Variants in HELZ observed in about 807,000 individuals in gnomAD.
HELZ encodes the protein ATP-dependent RNA helicase with zinc finger domain.
Under a neutral mutation model 218.2 loss-of-function variants are expected in HELZ, and 23 were observed. That is an observed-to-expected ratio of 0.11 (90% CI 0.08 to 0.15). The LOEUF (loss-of-function observed/expected upper bound fraction) is 0.15. Ranked by LOEUF, HELZ falls within the 10% of genes least tolerant of loss-of-function variation. The pLI is 1.00. For missense variants in HELZ, 1,813 were observed against 2,353.7 expected (o/e 0.77, Z 4.75); for synonymous variants, 814 against 829.4 (o/e 0.98, Z 0.32).
intron 31 of HELZ, among the ~76,000 whole-genome samples, chr17:67,096,587 T>C (rs2036756443): frequency 6.6e-6 from 1 of 152,268 alleles, no homozygotes; most frequent in African/African-American, 2.4e-5. Flanking sequence ...TGCACTTTTA[T>C]GTTATGGGGA....
chr17:67,095,465 C>T (rs1272416349), intron 31 of HELZ, among the ~76,000 whole-genome samples: 1 of 152,094 alleles, frequency 6.6e-6, no homozygotes, highest in Non-Finnish European at 1.5e-5. Flanking sequence ...GGAGGATTGC[C>T]AGGGTCCAGG....
At chr17:67,097,003 T>C (rs1023698113) in intron 31 of HELZ, among the ~76,000 whole-genome samples, 1 of 152,176 alleles carries the variant, frequency 6.6e-6, no homozygotes, top group Non-Finnish European at 1.5e-5. Context: ...TGATTTAAAG[T>C]GAGAGGCATG....
chr17:67,226,152 C>T (rs1004564744), intron 3 of HELZ, among the ~76,000 whole-genome samples: 1 of 149,914 alleles, frequency 6.7e-6, no homozygotes. Context: ...CCCAGCTACT[C>T]GGGAGGCTGA....
At chr17:67,159,301 G>A (rs951520012) in intron 17 of HELZ, among the ~76,000 whole-genome samples, 1 of 151,214 alleles carries the variant, frequency 6.6e-6, no homozygotes, top group African/African-American at 2.4e-5. Context: ...ATAAAATATG[G>A]CATAAAAACC....
chr17:67,137,555 T>C (rs888480380), intron 22 of HELZ, among the ~76,000 whole-genome samples: 16 of 152,202 alleles, frequency 1.1e-4, no homozygotes, highest in African/African-American at 3.6e-4. Flanking sequence ...TTTAAAAGAG[T>C]TGCTGTTAAC....
At position 67,078,509 on chromosome 17, in the gene HELZ, T is replaced by C. The variant is rs749907469; in HGVS notation, c.5572A>G (p.Ser1858Gly). The change falls in exon 33 of 33, where the codon AGT becomes GGT. Residue 1858 changes from serine to glycine, a missense_variant. Transcript: ENST00000358691. Reference sequence around the variant, plus strand: ...AACTGGCCAAGATGCTGCAGCACACTGTAGTTGAAGGAACTGGACACCTCG... The same window carrying C: ...AACTGGCCAAGATGCTGCAGCACACCGTAGTTGAAGGAACTGGACACCTCG... ...NLEVSSSFNY[S>G]VLQHLGQFPP... is the part of the protein sequence containing the mutation. 13 of 1,541,088 alleles carry C rather than the reference T, an allele frequency of 8.4e-6. No individual in the cohort carries two copies. Among genetic ancestry groups the C allele is most frequent in the East Asian group, 2.3e-5 (1 of 43,676 alleles).
chr17:67,215,151 G>T (rs913186977), intron 5 of HELZ, among the ~76,000 whole-genome samples: 15 of 150,742 alleles, frequency 1.0e-4, no homozygotes, highest in Non-Finnish European at 2.2e-4. Context: ...CTCAGAGAGG[G>T]GAAAAAAAAA....
At chr17:67,238,174 T>C (rs2041234210) in intron 3 of HELZ, among the ~76,000 whole-genome samples, 1 of 147,434 alleles carries the variant, frequency 6.8e-6, no homozygotes, top group South Asian at 2.2e-4. Context: ...TGAAACCCCG[T>C]CTTTACTAAA....
intron 31 of HELZ, among the ~76,000 whole-genome samples, chr17:67,101,235 T>C (rs918919915): frequency 2.6e-5 from 4 of 152,090 alleles, no homozygotes; most frequent in Non-Finnish European, 5.9e-5. Context: ...ACAAGTTTAA[T>C]GTATTTCAAA....
chr17:67,089,668 T>TATATATATATATATAG (rs71293575), intron 31 of HELZ, among the ~76,000 whole-genome samples: 1 of 70,634 alleles, frequency 1.4e-5, no homozygotes, highest in African/African-American at 6.1e-5. Flanking sequence ...TATATATATA[T>TATATATATATATATAG]AGAGAGAGAG....
chr17:67,147,644 A>ATTTTTTTTT (rs761333225), intron 20 of HELZ, among the ~76,000 whole-genome samples: 1 of 138,946 alleles, frequency 7.2e-6, no homozygotes. Flanking sequence ...TGCCCTGCTA[A>ATTTTTTTTT]TTTTTTTTTT....
At chr17:67,099,192 T>C (rs1270556397) in intron 31 of HELZ, among the ~76,000 whole-genome samples, 15 of 152,216 alleles carry the variant, frequency 9.9e-5, no homozygotes, top group Admixed American at 8.5e-4. Context: ...TTGTTTCCTA[T>C]TGCTTTCGCC....
chr17:67,123,895 T>A, intron 25 of HELZ, 68 bp downstream of exon 25: 1 of 1,032,374 alleles, frequency 9.7e-7, no homozygotes, highest in African/African-American at 1.6e-5. Flanking sequence ...CTCTTTCTTG[T>A]GGTGAAATTT....
In HELZ at chr17:67,123,042, A is replaced by C; in HGVS notation, c.3558T>G (p.Pro1186=). ...KSPSPVQRID[P]HTGTSILYVP... ...CATAAAGAATACTTGTCCCAGTGTG[A>C]GGATCTATTCTTTGAACAGGGCTTG... Residue 1186 remains proline (P), a synonymous_variant, in exon 26 of 33, where the codon CCT becomes CCG. Transcript: ENST00000358691. 6.2e-7 allele frequency: 1 copy of C among 1,613,558 alleles called. No homozygotes were observed. Among genetic ancestry groups the C allele is most frequent in the Non-Finnish European group, 8.5e-7 (1 of 1,179,480 alleles).
At chr17:67,091,956 TAG>T (rs1393472308) in intron 31 of HELZ, among the ~76,000 whole-genome samples, 1 of 152,134 alleles carries the variant, frequency 6.6e-6, no homozygotes, top group Admixed American at 6.5e-5. Flanking sequence ...TACAGTTCCC[TAG>T]AGAGAAAAAA....
Position 67,073,871 on chromosome 17 carries a change from A to T in HELZ, c.*4381T>A, listed in dbSNP as rs2035952621. On this transcript the variant is annotated 3_prime_UTR_variant, in exon 33 of 33. Coordinates refer to ENST00000358691, the MANE Select transcript of HELZ (RefSeq NM_014877.4). ...TTTAGCAGCTTTAAAGTCTCAGCTA[A>T]TAAATGTCCATCCTCAAGCAGATGG... The T allele has an allele frequency of 6.6e-6, 1 of 152,184 alleles. No homozygotes were observed. Among genetic ancestry groups the T allele is most frequent in the African/African-American group, 2.4e-5 (1 of 41,442 alleles). The allele number at this position is 152,184 out of a possible 1,614,324, so 9.4% of individuals were successfully genotyped here.
intron 21 of HELZ, among the ~76,000 whole-genome samples, chr17:67,140,833 A>G (rs1017586921): frequency 2.0e-5 from 3 of 152,210 alleles, no homozygotes; most frequent in African/African-American, 7.2e-5. Context: ...ACAGCAGGAG[A>G]AAAACAACTC....
intron 2 of HELZ, among the ~76,000 whole-genome samples, chr17:67,241,043 T>C (rs1051676665): frequency 1.3e-5 from 2 of 152,224 alleles, no homozygotes; most frequent in Non-Finnish European, 2.9e-5. Context: ...CATCATGTTA[T>C]ATGCTGCTTC....
intron 5 of HELZ, among the ~76,000 whole-genome samples, chr17:67,208,377 C>T (rs1291058593): frequency 1.3e-5 from 2 of 152,142 alleles, no homozygotes; most frequent in Non-Finnish European, 2.9e-5. Flanking sequence ...CAAAATGACA[C>T]AGAATACACA....
Sources: allele counts gnomAD v4.1 joint callset (sites outside exome capture counted in the v4.1 genomes callset), GRCh38; gene constraint gnomAD v4.1.1; transcripts MANE v1.5; gene names NCBI Gene and HGNC (gene_info 2026-07-23, HGNC 2026-07-21).